The following TMEM62 variants were observed in gnomAD, a reference collection of about 807,000 sequenced individuals.
TMEM62 encodes the protein transmembrane protein 62.
Under a neutral mutation model 70.4 loss-of-function variants are expected in TMEM62, and 41 were observed. The observed-to-expected ratio is 0.58, with a 90% CI of 0.45 to 0.76. TMEM62 has a LOEUF of 0.76. Ranked by LOEUF, TMEM62 falls within the 30% of genes least tolerant of loss-of-function variation. The probability of loss-of-function intolerance (pLI) is 0.00; values close to 1 mark genes in which losing one functional copy is unlikely to be tolerated. For missense variants in TMEM62, 688 were observed against 788.5 expected, an observed-to-expected ratio of 0.87 and a Z score of 1.53; for synonymous variants, 268 against 291.0, an observed-to-expected ratio of 0.92 and a Z score of 0.80.
Position 43,164,451 on chromosome 15 carries a change from CT to C in TMEM62, c.1296+3672del, listed in dbSNP as rs943352342. Among the ~76,000 whole-genome samples the C allele has an allele frequency of 1.6e-3, 214 of 134,714 alleles. 1 individual carries two copies. Among genetic ancestry groups the C allele is most frequent in the Middle Eastern group, 3.9e-3 (1 of 254 alleles). The allele number at this position is 134,714 out of a possible 152,430, so 88.4% of individuals were successfully genotyped here. A position where few individuals can be genotyped will look rare whatever the true frequency, so the allele number is the denominator to read the frequency against. The stretch of plus-strand genomic sequence containing the variant: ...CTTCAGATGATTTCTTTTTTCTTTT[CT>C]TTTTTTTTTTTTTTGAGATGGGGTC... On this transcript the variant is annotated intron_variant, in intron 10 of 13. Coordinates refer to ENST00000260403, the MANE Select transcript of TMEM62 (RefSeq NM_024956.4).
At chr15:43,155,439 T>G (rs768780637) in intron 9 of TMEM62, among the ~76,000 whole-genome samples, 3 of 152,190 alleles carry the variant, frequency 2.0e-5, no homozygotes, top group Non-Finnish European at 4.4e-5. Context: ...AAGGTTATAG[T>G]GAGCTCTGAT....
intron 10 of TMEM62, among the ~76,000 whole-genome samples, chr15:43,161,586 T>A (rs2038702342): frequency 1.3e-5 from 2 of 152,280 alleles, no homozygotes; most frequent in South Asian, 4.1e-4. Flanking sequence ...GATACTCTAA[T>A]TTTTCTCTCT....
At chr15:43,143,624 A>G (rs2036327392) in intron 4 of TMEM62, among the ~76,000 whole-genome samples, 1 of 152,212 alleles carries the variant, frequency 6.6e-6, no homozygotes, top group Admixed American at 6.5e-5. Context: ...GAATCCTGAG[A>G]TACTGATTCT....
chr15:43,167,730 G>A (rs948959605), intron 10 of TMEM62, among the ~76,000 whole-genome samples: 1 of 152,206 alleles, frequency 6.6e-6, no homozygotes, highest in Non-Finnish European at 1.5e-5. Context: ...GTGGCGGCCG[G>A]GTAGAGGCTG....
intron 5 of TMEM62, among the ~76,000 whole-genome samples, chr15:43,147,104 C>T (rs529358113): frequency 1.2e-4 from 18 of 152,312 alleles, no homozygotes; most frequent in African/African-American, 4.1e-4. Context: ...GCTAAGATTA[C>T]AGGCACGTGC....
chr15:43,173,634 A>C (rs1271152542), intron 11 of TMEM62, among the ~76,000 whole-genome samples: 1 of 152,146 alleles, frequency 6.6e-6, no homozygotes, highest in Non-Finnish European at 1.5e-5. Context: ...TTCTAAACTT[A>C]TCTAAATCTT....
At chr15:43,142,969 C>T (rs1241268510) in intron 4 of TMEM62, among the ~76,000 whole-genome samples, 10 of 152,250 alleles carry the variant, frequency 6.6e-5, no homozygotes, top group Middle Eastern at 6.8e-3. Context: ...CATGCCCAGT[C>T]AGTAGAAGTA....
intron 4 of TMEM62, among the ~76,000 whole-genome samples, chr15:43,141,640 A>G (rs1478780736): frequency 6.6e-6 from 1 of 152,238 alleles, no homozygotes; most frequent in Non-Finnish European, 1.5e-5. Context: ...TTTAAGAAAC[A>G]CATTTCATAA....
Position 43,151,940 on chromosome 15 carries a change from C to T in TMEM62, c.1017C>T (p.His339=). The part of the protein sequence containing the change: ...EPLERLLHST[H]IRVLAFSLSS... Reference sequence around the variant, plus strand: ...TAGAAAGACTTCTTCACTCAACACACATCAGGTATGTAGCAATTTTTTAGA... The same window carrying T: ...TAGAAAGACTTCTTCACTCAACACATATCAGGTATGTAGCAATTTTTTAGA... The change falls in exon 8 of 14, where the codon CAC becomes CAT. Residue 339 remains histidine (H), a synonymous_variant. Coordinates refer to ENST00000260403, the MANE Select transcript of TMEM62 (RefSeq NM_024956.4). 1.9e-6 allele frequency: 3 copies of T among 1,601,058 alleles called. No individual in the cohort carries two copies. The highest frequency in any genetic ancestry group is 2.6e-6 in the Non-Finnish European group (3 of 1,175,404).
chr15:43,149,040 C>A lies in TMEM62; in HGVS notation c.755C>A (p.Ala252Asp). ...TTTTCATTGGTTAGTTCGGCTATAG[C>A]TTATTTGTGTGGACATCTCCATACA... ...GIRSIMSSAI[A>D]YLCGHLHTLG... The change falls in exon 7 of 14, where the codon GCT (alanine) becomes GAT (aspartate). Residue 252 changes from alanine (A) to aspartate (D), a missense_variant. Physicochemically the swap from Ala to Asp is moderately radical, Grantham distance 126. Transcript: ENST00000260403. 6.2e-7 allele frequency: 1 copy of A among 1,614,006 alleles called. No homozygotes were observed. The highest frequency in any genetic ancestry group is 8.5e-7 in the Non-Finnish European group (1 of 1,180,008).
intron 8 of TMEM62, 148 bp downstream of exon 8, chr15:43,152,093 G>T: frequency 2.1e-6 from 1 of 475,748 alleles, no homozygotes; most frequent in Non-Finnish European, 3.5e-6. Flanking sequence ...ATTGCTTACT[G>T]TTTTGTTTCC....
At chr15:43,154,887 T>G in intron 9 of TMEM62, 56 bp downstream of exon 9, 1 of 1,442,144 alleles carries the variant, frequency 6.9e-7, no homozygotes, top group Admixed American at 2.5e-5. Context: ...CCACAATGAA[T>G]TCTGGTTTGG....
chr15:43,143,919 G>A (rs1359197026), intron 4 of TMEM62, among the ~76,000 whole-genome samples: 5 of 152,198 alleles, frequency 3.3e-5, no homozygotes, highest in Non-Finnish European at 7.3e-5. Context: ...TAGTGTGAGA[G>A]ATACATGAGT....
intron 12 of TMEM62, among the ~76,000 whole-genome samples, chr15:43,179,495 A>G (rs1320034753): frequency 6.6e-6 from 1 of 152,192 alleles, no homozygotes. Context: ...AGCTGGAGGT[A>G]TATAATAGAC....
At chr15:43,162,495 G>A (rs372223342) in intron 10 of TMEM62, among the ~76,000 whole-genome samples, 2 of 150,872 alleles carry the variant, frequency 1.3e-5, no homozygotes, top group African/African-American at 2.5e-5. Context: ...GCAATGGCAC[G>A]ATCCCGGCTC....
chr15:43,156,314 T>C (rs756147530), intron 9 of TMEM62, among the ~76,000 whole-genome samples: 1 of 152,188 alleles, frequency 6.6e-6, no homozygotes, highest in Non-Finnish European at 1.5e-5. Context: ...AGTTTTACCC[T>C]TGGTTTGTAA....
chr15:43,145,571 G>T (rs994977470), intron 4 of TMEM62, among the ~76,000 whole-genome samples: 3 of 152,064 alleles, frequency 2.0e-5, no homozygotes, highest in Admixed American at 2.0e-4. Context: ...GTTTAAATTG[G>T]GTTTGACTAA....
At chr15:43,153,946 T>A (rs763635546) in intron 8 of TMEM62, among the ~76,000 whole-genome samples, 14 of 152,356 alleles carry the variant, frequency 9.2e-5, no homozygotes, top group Non-Finnish European at 1.6e-4. Context: ...TGCACCATTT[T>A]ACATTCCCAC....
At chr15:43,135,673 A>G (rs1232423475) in intron 3 of TMEM62, 24 bp downstream of exon 3, 5 of 1,557,714 alleles carry the variant, frequency 3.2e-6, no homozygotes, top group Admixed American at 4.6e-5. Flanking sequence ...GCCAGATACA[A>G]TAAAGACAAG....
Sources: allele counts gnomAD v4.1 joint callset (sites outside exome capture counted in the v4.1 genomes callset), GRCh38; gene constraint gnomAD v4.1.1; transcripts MANE v1.5; gene names NCBI Gene and HGNC (gene_info 2026-07-23, HGNC 2026-07-21).